The following GRIK2 variants were observed in gnomAD, a reference collection of about 807,000 sequenced individuals.
GRIK2 encodes the protein glutamate ionotropic receptor kainate type subunit 2.
GRIK2 carries 32 observed loss-of-function variants against 100.3 expected under a neutral mutation model. The observed-to-expected ratio is 0.32, with a 90% confidence interval of 0.24 to 0.43. The LOEUF is 0.43. GRIK2 is among the 20% of genes least tolerant of loss of function. The probability of loss-of-function intolerance (pLI) is 1.00; values close to 1 mark genes in which losing one functional copy is unlikely to be tolerated. For synonymous variants in GRIK2, 417 were observed against 389.4 expected, an observed-to-expected ratio of 1.07 and a Z score of -0.83; for missense variants, 843 against 1,114.9, an observed-to-expected ratio of 0.76 and a Z score of 3.47.
intron 2 of GRIK2, among the ~76,000 whole-genome samples, chr6:101,581,435 G>A (rs117694398): frequency 0.024 from 3,725 of 152,116 alleles, 61 homozygotes; most frequent in Non-Finnish European, 0.036. Flanking sequence ...GAAGAACTTG[G>A]TGTCCAGTGT....
At chr6:101,959,832 G>A (rs1394192565) in intron 14 of GRIK2, among the ~76,000 whole-genome samples, 1 of 151,870 alleles carries the variant, frequency 6.6e-6, no homozygotes, top group Non-Finnish European at 1.5e-5. Context: ...ATAACTATAT[G>A]TGATAATGAG....
intron 7 of GRIK2, among the ~76,000 whole-genome samples, chr6:101,708,388 A>C (rs1452572807): frequency 2.6e-5 from 4 of 151,704 alleles, no homozygotes; most frequent in African/African-American, 9.7e-5. Flanking sequence ...TATTATTTTA[A>C]TAAAATATAT....
At chr6:101,559,151 A>C (rs1160814046) in intron 2 of GRIK2, among the ~76,000 whole-genome samples, 1 of 152,208 alleles carries the variant, frequency 6.6e-6, no homozygotes, top group Non-Finnish European at 1.5e-5. Context: ...TGTCAGAATT[A>C]GTATTTAAGT....
chr6:102,003,546 GTTA>G (rs1160731773), intron 14 of GRIK2, among the ~76,000 whole-genome samples: 1 of 151,580 alleles, frequency 6.6e-6, no homozygotes, highest in East Asian at 1.9e-4. Flanking sequence ...AGTGATTATT[GTTA>G]TTCATATCCC....
chr6:101,551,046 C>A (rs1193222641), intron 2 of GRIK2, among the ~76,000 whole-genome samples: 3 of 152,186 alleles, frequency 2.0e-5, no homozygotes, highest in Non-Finnish European at 4.4e-5. Flanking sequence ...CTCATGACTA[C>A]AGTTTCTGCA....
rs3056161 is a variant in GRIK2, at chr6:101,592,588, CATATATATATATAT to C, written c.116-29338_116-29325del. Among the ~76,000 whole-genome samples, 128 of 101,954 alleles carry C rather than the reference CATATATATATATAT, an allele frequency of 1.3e-3. 4 individuals are homozygous for C. The highest frequency in any genetic ancestry group is 0.011 in the Middle Eastern group (2 of 180). 66.9% of individuals were successfully genotyped at this position (101,954 alleles called of 152,430 possible). A position where few individuals can be genotyped will look rare whatever the true frequency, so the allele number is the denominator to read the frequency against. On this transcript the variant is annotated intron_variant, in intron 2 of 16. Transcript: ENST00000369134. ...TCATGGGATAGAATTACTAATATCA[CATATATATATATAT>C]ATATATATATATATATATATATTGC...
chr6:101,640,274 T>C lies in GRIK2; in HGVS notation c.541+13637T>C, dbSNP rs190647513. On this transcript the variant is annotated intron_variant, in intron 4 of 16. Coordinates refer to ENST00000369134, the MANE Select transcript of GRIK2 (RefSeq NM_021956.5). ...AATTGTAGTAGGCATTCCTCACATTTACCAATATCTCTGGTTATCTTCACT... is the reference window on the plus strand; with the variant it reads ...AATTGTAGTAGGCATTCCTCACATTCACCAATATCTCTGGTTATCTTCACT... Among the ~76,000 whole-genome samples, 445 of 152,322 alleles carry C rather than the reference T, an allele frequency of 2.9e-3. 1 individual carries two copies. The highest frequency in any genetic ancestry group is 0.01 in the African/African-American group (427 of 41,580).
Position 101,601,197 on chromosome 6 carries a change from G to C in GRIK2, c.116-20752G>C, listed in dbSNP as rs112509343. On this transcript the variant is annotated intron_variant, in intron 2 of 16. Transcript: ENST00000369134. Reference sequence around the variant, plus strand: ...TTTTCTGTGTCTGTTGAGATTACATGGTTTTTGGTTTTAAATCTTTTTATA... The same window carrying C: ...TTTTCTGTGTCTGTTGAGATTACATCGTTTTTGGTTTTAAATCTTTTTATA... 2.2e-3 allele frequency among the ~76,000 whole-genome samples: 334 copies of C among 150,590 alleles called. 2 individuals are homozygous for C. Among genetic ancestry groups the C allele is most frequent in the African/African-American group, 7.7e-3 (319 of 41,178 alleles).
intron 2 of GRIK2, among the ~76,000 whole-genome samples, chr6:101,479,446 A>G (rs1772413229): frequency 6.6e-6 from 1 of 152,156 alleles, no homozygotes; most frequent in Non-Finnish European, 1.5e-5. Flanking sequence ...GATTTACTAT[A>G]TATGTTTATA....
rs1356066581 is a variant in GRIK2, at chr6:102,068,409, A to T, written c.2625A>T (p.Leu875Phe). 6.2e-7 allele frequency: 1 copy of T among 1,612,156 alleles called. No homozygotes were observed. The highest frequency in any genetic ancestry group is 1.7e-5 in the Admixed American group (1 of 59,824). Residue 875 changes from leucine (L) to phenylalanine (F), a missense_variant, in exon 17 of 17, where the codon TTA becomes TTT. Physicochemically the swap from Leu to Phe is conservative, Grantham distance 22. Transcript: ENST00000369134. ...LRMSLKCQRRLKHKPQAPVIV... is the reference protein window; with the variant it reads ...LRMSLKCQRRFKHKPQAPVIV... ...TGTCCCTGAAGTGCCAGCGTCGGTT[A>T]AAACATAAGCCACAGGCCCCAGTTA...
intron 2 of GRIK2, among the ~76,000 whole-genome samples, chr6:101,608,269 T>C: frequency 6.6e-6 from 1 of 151,902 alleles, no homozygotes; most frequent in East Asian, 1.9e-4. Context: ...TGAATATTTT[T>C]CCACATCAAT....
At chr6:101,617,633 G>T (rs1779955024) in intron 2 of GRIK2, among the ~76,000 whole-genome samples, 3 of 151,696 alleles carry the variant, frequency 2.0e-5, no homozygotes, top group South Asian at 2.1e-4. Context: ...AGCCATGCTG[G>T]TGTATATAAA....
At chr6:101,633,737 A>G (rs1780876807) in intron 4 of GRIK2, among the ~76,000 whole-genome samples, 1 of 152,174 alleles carries the variant, frequency 6.6e-6, no homozygotes, top group African/African-American at 2.4e-5. Context: ...GTTTCTCTAC[A>G]AATACACATA....
intron 4 of GRIK2, among the ~76,000 whole-genome samples, chr6:101,668,133 A>G (rs1369937832): frequency 2.0e-5 from 3 of 152,216 alleles, no homozygotes; most frequent in Admixed American, 6.5e-5. Context: ...CTAGCCCTCC[A>G]ATTCTATTTT....
chr6:101,733,402 C>G (rs1045562384), intron 7 of GRIK2, among the ~76,000 whole-genome samples: 3 of 152,080 alleles, frequency 2.0e-5, no homozygotes, highest in African/African-American at 7.2e-5. Flanking sequence ...CCCAAACAAG[C>G]CCAAATCCTA....
At chr6:101,435,047 A>G (rs1437386515) in intron 2 of GRIK2, among the ~76,000 whole-genome samples, 1 of 152,126 alleles carries the variant, frequency 6.6e-6, no homozygotes, top group Admixed American at 6.6e-5. Flanking sequence ...CCCAACTCTT[A>G]GAGTTATTAT....
At chr6:101,675,231 A>G (rs570016999) in intron 4 of GRIK2, among the ~76,000 whole-genome samples, 2 of 152,122 alleles carry the variant, frequency 1.3e-5, no homozygotes, top group South Asian at 4.2e-4. Context: ...CAAAAAGGTT[A>G]AGTAACAGGT....
At chr6:101,575,466 T>C (rs1777748922) in intron 2 of GRIK2, among the ~76,000 whole-genome samples, 1 of 151,974 alleles carries the variant, frequency 6.6e-6, no homozygotes, top group African/African-American at 2.4e-5. Flanking sequence ...CATTCAGCAG[T>C]TTTTGAGACA....
At chr6:101,520,069 G>A (rs1311606128) in intron 2 of GRIK2, among the ~76,000 whole-genome samples, 2 of 151,946 alleles carry the variant, frequency 1.3e-5, no homozygotes, top group African/African-American at 4.8e-5. Flanking sequence ...AAGACCCTAA[G>A]GGCATTCCAA....
Sources: gnomAD v4.1 joint callset for allele counts (sites outside exome capture counted in the v4.1 genomes callset) on GRCh38, gnomAD v4.1.1 for gene constraint, MANE v1.5 for transcripts, NCBI Gene and HGNC (gene_info 2026-07-23, HGNC 2026-07-21) for gene names.